Variants in ASAP1 observed in about 807,000 individuals in gnomAD.
ASAP1 encodes arf-GAP with SH3 domain, ANK repeat and PH domain-containing protein 1.
Under a neutral mutation model 145.2 loss-of-function variants are expected in ASAP1, and 43 were observed. The ratio of observed to expected loss-of-function variants is 0.30; its 90% CI spans 0.23 to 0.38. The LOEUF (loss-of-function observed/expected upper bound fraction) is 0.38, where lower values mean the gene tolerates loss of function less well. Ranked by LOEUF, ASAP1 falls within the 10% of genes least tolerant of loss-of-function variation. The pLI, the probability that ASAP1 is intolerant of heterozygous loss-of-function variation, is 1.00. For synonymous variants in ASAP1, 546 were observed against 515.5 expected, an observed-to-expected ratio of 1.06 and a Z score of -0.80; for missense variants, 1,018 against 1,355.3, an observed-to-expected ratio of 0.75 and a Z score of 3.91.
chr8:130,079,630 C>T (rs1489110768), intron 26 of ASAP1, among the ~76,000 whole-genome samples: 1 of 145,324 alleles, frequency 6.9e-6, no homozygotes, highest in Non-Finnish European at 1.5e-5. Flanking sequence ...ACTGCACAAC[C>T]CTGCGACCAC....
At chr8:130,442,277 A>C (rs1830511815) in intron 1 of ASAP1, among the ~76,000 whole-genome samples, 1 of 152,184 alleles carries the variant, frequency 6.6e-6, no homozygotes. Context: ...ACTGAGCCTG[A>C]AGAAGTGGAA....
rs571048258 is a variant in ASAP1, at chr8:130,360,429, C to T, written c.60-2286G>A. 2.0e-5 allele frequency among the ~76,000 whole-genome samples: 3 copies of T among 152,286 alleles called. No homozygotes were observed. The South Asian group carries it at 6.2e-4, about 32-fold the overall frequency. ...GATGGAAGAGAAAGTGCTTTGTGCA[C>T]AGGAAAGCCATTAGAAAAGTGTGAG... On this transcript the variant is annotated intron_variant, in intron 2 of 29. Transcript: ENST00000518721.
intron 5 of ASAP1, among the ~76,000 whole-genome samples, chr8:130,195,530 A>G (rs1340743073): frequency 6.7e-6 from 1 of 150,190 alleles, no homozygotes; most frequent in Admixed American, 6.6e-5. Flanking sequence ...CCTGTCTCTT[A>G]AAAAAAAAAT....
At chr8:130,380,945 C>T (rs982088063) in intron 2 of ASAP1, among the ~76,000 whole-genome samples, 3 of 152,052 alleles carry the variant, frequency 2.0e-5, no homozygotes, top group African/African-American at 2.4e-5. Flanking sequence ...AGTGCAGTGG[C>T]GTGATCCTGG....
chr8:130,307,724 C>T (rs1823081345), intron 3 of ASAP1, among the ~76,000 whole-genome samples: 1 of 152,184 alleles, frequency 6.6e-6, no homozygotes, highest in African/African-American at 2.4e-5. Context: ...TTTCCCAATT[C>T]CCACGCTCTA....
At chr8:130,173,772 A>G (rs1259463814) in intron 9 of ASAP1, among the ~76,000 whole-genome samples, 2 of 149,778 alleles carry the variant, frequency 1.3e-5, no homozygotes, top group African/African-American at 2.5e-5. Flanking sequence ...TGACTCAAAA[A>G]GAAAAAAAAA....
chr8:130,429,653 A>G (rs1358479899), intron 1 of ASAP1, among the ~76,000 whole-genome samples: 5 of 152,148 alleles, frequency 3.3e-5, no homozygotes. Flanking sequence ...ACCATCTGCA[A>G]ACACTTAACA....
At chr8:130,164,358 G>C (rs1175627391) in intron 11 of ASAP1, among the ~76,000 whole-genome samples, 1 of 152,176 alleles carries the variant, frequency 6.6e-6, no homozygotes, top group Admixed American at 6.5e-5. Flanking sequence ...GCTGAGGCGG[G>C]CAGATCACTT....
At chr8:130,105,581 T>C (rs2097535599) in intron 24 of ASAP1, among the ~76,000 whole-genome samples, 1 of 152,244 alleles carries the variant, frequency 6.6e-6, no homozygotes, top group African/African-American at 2.4e-5. Context: ...TTATTCCTCC[T>C]AACTGATCTA....
chr8:130,373,149 CA>C (rs1196179599), intron 2 of ASAP1, among the ~76,000 whole-genome samples: 20 of 144,514 alleles, frequency 1.4e-4, no homozygotes, highest in Admixed American at 7.0e-4. Context: ...CACACACACA[CA>C]GAGTCTCATC....
chr8:130,157,015 T>A (rs2097659452), intron 12 of ASAP1, among the ~76,000 whole-genome samples: 1 of 152,238 alleles, frequency 6.6e-6, no homozygotes, highest in African/African-American at 2.4e-5. Context: ...AGATATGTAA[T>A]AGTACATTGT....
chr8:130,416,556 G>C (rs2138674611), intron 1 of ASAP1, among the ~76,000 whole-genome samples: 1 of 152,322 alleles, frequency 6.6e-6, no homozygotes, highest in Admixed American at 6.5e-5. Context: ...AGGTTATCCT[G>C]ACTGTCATCT....
At chr8:130,435,015 C>T (rs955607879) in intron 1 of ASAP1, among the ~76,000 whole-genome samples, 3 of 152,174 alleles carry the variant, frequency 2.0e-5, no homozygotes, top group Admixed American at 1.3e-4. Flanking sequence ...CTAGAAGGCA[C>T]GTTGGCTGCT....
chr8:130,159,999 A>G, intron 11 of ASAP1, 35 bp from the exon 12 acceptor site: 1 of 1,550,212 alleles, frequency 6.5e-7, no homozygotes, highest in Non-Finnish European at 8.9e-7. Context: ...AACAAAAACT[A>G]GAGACAATTC....
intron 3 of ASAP1, 108 bp from the exon 4 acceptor site, chr8:130,237,102 C>G: frequency 1.3e-6 from 1 of 741,130 alleles, no homozygotes; most frequent in East Asian, 2.8e-5. Flanking sequence ...ACCAAAGCAA[C>G]AGCAAACTGA....
At chr8:130,129,329 C>A (rs2135750038) in intron 15 of ASAP1, among the ~76,000 whole-genome samples, 1 of 152,238 alleles carries the variant, frequency 6.6e-6, no homozygotes, top group East Asian at 1.9e-4. Flanking sequence ...GTAATAAAGG[C>A]TAAAAGGAAT....
intron 2 of ASAP1, among the ~76,000 whole-genome samples, chr8:130,392,584 G>A (rs995671891): frequency 3.3e-5 from 5 of 152,188 alleles, no homozygotes; most frequent in Non-Finnish European, 5.9e-5. Context: ...CCATTTTATA[G>A]ATAAGGAAGC....
At chr8:130,115,451 G>A (rs1397210408) in intron 23 of ASAP1, 177 bp downstream of exon 23, 6 of 570,952 alleles carry the variant, frequency 1.1e-5, no homozygotes, top group East Asian at 5.7e-5. Context: ...TGTTTCTCTG[G>A]ACAACCTTAA....
At chr8:130,186,001 AAAG>A (rs1324254756) in intron 7 of ASAP1, among the ~76,000 whole-genome samples, 2 of 152,208 alleles carry the variant, frequency 1.3e-5, no homozygotes, top group African/African-American at 2.4e-5. Flanking sequence ...TATATCCTAC[AAAG>A]AAGACATATT....
Sources: gnomAD v4.1 joint callset for allele counts (sites outside exome capture counted in the v4.1 genomes callset) on GRCh38, gnomAD v4.1.1 for gene constraint, MANE v1.5 for transcripts, NCBI Gene and HGNC (gene_info 2026-07-23, HGNC 2026-07-21) for gene names.